Variants in AFF2 observed in about 807,000 individuals in gnomAD.
AFF2 encodes the protein AF4/FMR2 family member 2.
In AFF2, 14 loss-of-function variants were observed where a neutral mutation model predicts 76.9. That is an observed-to-expected ratio of 0.18 (90% CI 0.12 to 0.28). The LOEUF (loss-of-function observed/expected upper bound fraction) is 0.28. AFF2 is among the 10% of genes least tolerant of loss of function. The pLI is 1.00. For missense variants in AFF2, 868 were observed against 1,001.1 expected, an observed-to-expected ratio of 0.87 and a Z score of 1.79; for synonymous variants, 398 against 366.7, an observed-to-expected ratio of 1.09 and a Z score of -0.98.
chrX:148,950,219 A>G (rs2071948861), intron 9 of AFF2, among the ~76,000 whole-genome samples: 1 of 112,173 alleles, frequency 8.9e-6, no homozygotes, highest in Admixed American at 9.5e-5. Flanking sequence ...CCCTGGGAGC[A>G]GTCCCAACCG....
intron 1 of AFF2, among the ~76,000 whole-genome samples, chrX:148,642,962 C>A (rs1376218743): frequency 1.8e-5 from 2 of 112,080 alleles, no homozygotes; most frequent in African/African-American, 3.2e-5. Context: ...TCCACGGGAC[C>A]ATTTCTAGTT....
chrX:148,961,596 A>G (rs782711206), intron 12 of AFF2, among the ~76,000 whole-genome samples: 1 of 112,316 alleles, frequency 8.9e-6, no homozygotes, highest in South Asian at 3.7e-4. Context: ...AATTTTGTGC[A>G]ACACAGTGGA....
At chrX:148,829,647 A>T (rs1250310790) in intron 4 of AFF2, among the ~76,000 whole-genome samples, 1 of 112,037 alleles carries the variant, frequency 8.9e-6, no homozygotes, top group African/African-American at 3.2e-5. Context: ...TATATCTTTG[A>T]CTTTACAGAA....
rs1160709141 is a variant in AFF2 at position 148,581,529 on chromosome X, CATAT to C, written c.48-70466_48-70463del. Among the ~76,000 whole-genome samples, 61 of 97,438 alleles carry C rather than the reference CATAT, an allele frequency of 6.3e-4. 5 individuals are homozygous for C. Among genetic ancestry groups the C allele is most frequent in the African/African-American group, 2.3e-3 (59 of 25,656 alleles). The allele number at this position is 97,438 out of a possible 115,157, so 84.6% of individuals were successfully genotyped here. A position where few individuals can be genotyped will look rare whatever the true frequency, so the allele number is the denominator to read the frequency against. On this transcript the variant is annotated intron_variant, in intron 1 of 20. Transcript: ENST00000370460. ...ATACGTATACGTCTACGTGTACACA[CATAT>C]ATACGTATACGTCTACGTGTACACA...
At chrX:148,611,628 C>T (rs1482354173) in intron 1 of AFF2, among the ~76,000 whole-genome samples, 6 of 111,367 alleles carry the variant, frequency 5.4e-5, no homozygotes, top group Non-Finnish European at 9.4e-5. Context: ...CTGGGACAAT[C>T]ACTGTGCCCT....
chrX:148,768,481 T>C (rs2069546848), intron 3 of AFF2, among the ~76,000 whole-genome samples: 1 of 110,945 alleles, frequency 9.0e-6, no homozygotes, highest in Non-Finnish European at 1.9e-5. Flanking sequence ...CCTGCTGTTC[T>C]TGCTGACAAT....
At chrX:148,543,020 T>C (rs2052877105) in intron 1 of AFF2, among the ~76,000 whole-genome samples, 1 of 111,738 alleles carries the variant, frequency 8.9e-6, no homozygotes, top group African/African-American at 3.3e-5. Flanking sequence ...TGTTAGCAAA[T>C]GGTTGCATGA....
chrX:148,718,723 C>A (rs782322429), intron 3 of AFF2, among the ~76,000 whole-genome samples: 15 of 111,222 alleles, frequency 1.3e-4, no homozygotes, highest in Middle Eastern at 4.7e-3. Flanking sequence ...TATGATAGTA[C>A]ACATGTGGAG....
chrX:148,883,067 C>T (rs1479071697), intron 7 of AFF2, among the ~76,000 whole-genome samples: 2 of 111,422 alleles, frequency 1.8e-5, no homozygotes, highest in Non-Finnish European at 1.9e-5. Flanking sequence ...GAGTGCATTT[C>T]ATCTCCATGT....
intron 1 of AFF2, among the ~76,000 whole-genome samples, chrX:148,615,079 A>G (rs1359677734): frequency 9.0e-6 from 1 of 110,911 alleles, no homozygotes; most frequent in South Asian, 3.7e-4. Flanking sequence ...GTTGTCATCA[A>G]TTCTTGAAGG....
intron 9 of AFF2, among the ~76,000 whole-genome samples, chrX:148,921,114 T>G (rs1180218984): frequency 9.0e-6 from 1 of 111,440 alleles, no homozygotes; most frequent in Non-Finnish European, 1.9e-5. Flanking sequence ...AGTTGGAGAT[T>G]TATGGTTCAA....
In AFF2 at chrX:148,559,643, A is replaced by T. The variant is rs185453762; in HGVS notation, c.47+58499A>T. Among the ~76,000 whole-genome samples, 336 of 111,716 alleles carry T rather than the reference A, an allele frequency of 3.0e-3. 1 individual carries two copies. Among genetic ancestry groups the T allele is most frequent in the African/African-American group, 0.01 (322 of 30,733 alleles). ...ATGGCTGCATAGTATTCCATGATGT[A>T]TATGTGCCACATTTTCTTTATCCAG... is the stretch of plus-strand genomic sequence containing the variant. On this transcript the variant is annotated intron_variant, in intron 1 of 20. Transcript: ENST00000370460.
chrX:148,944,630 A>G (rs1229898390), intron 9 of AFF2, among the ~76,000 whole-genome samples: 1 of 111,792 alleles, frequency 8.9e-6, no homozygotes, highest in East Asian at 2.8e-4. Flanking sequence ...GTGATTTTTT[A>G]AATTATTTCC....
At chrX:148,664,971 T>G (rs2054343834) in intron 3 of AFF2, among the ~76,000 whole-genome samples, 1 of 112,237 alleles carries the variant, frequency 8.9e-6, no homozygotes, top group Admixed American at 9.5e-5. Flanking sequence ...AAAAAAGAGA[T>G]CTGCTTTGAA....
chrX:148,588,602 T>C (rs2053492644), intron 1 of AFF2, among the ~76,000 whole-genome samples: 1 of 112,750 alleles, frequency 8.9e-6, no homozygotes, highest in South Asian at 3.6e-4. Context: ...ATCTGAGTCT[T>C]ACCTGATTGG....
intron 8 of AFF2, among the ~76,000 whole-genome samples, chrX:148,891,656 G>A (rs1369813337): frequency 1.8e-5 from 2 of 111,603 alleles, no homozygotes; most frequent in South Asian, 7.6e-4. Context: ...ATATTATGAT[G>A]TCTGATTTCC....
intron 1 of AFF2, among the ~76,000 whole-genome samples, chrX:148,512,230 A>AT (rs1319224209): frequency 8.9e-6 from 1 of 112,519 alleles, no homozygotes; most frequent in Non-Finnish European, 1.9e-5. Context: ...ACAATTAGGC[A>AT]TTTTGGCCAT....
At chrX:148,575,372 T>G (rs2124334315) in intron 1 of AFF2, among the ~76,000 whole-genome samples, 1 of 111,828 alleles carries the variant, frequency 8.9e-6, no homozygotes, top group African/African-American at 3.2e-5. Flanking sequence ...TTACAATACA[T>G]AATATGTTTT....
chrX:148,797,701 T>G (rs1557270619), intron 3 of AFF2, among the ~76,000 whole-genome samples: 1 of 111,651 alleles, frequency 9.0e-6, no homozygotes, highest in African/African-American at 3.3e-5. Flanking sequence ...GAATCTGGCT[T>G]TTTAAAATAT....
Sources: allele counts gnomAD v4.1 joint callset (sites outside exome capture counted in the v4.1 genomes callset), GRCh38; gene constraint gnomAD v4.1.1; transcripts MANE v1.5; gene names NCBI Gene and HGNC (gene_info 2026-07-23, HGNC 2026-07-21).